Variants in RUNX2 observed in about 807,000 individuals in gnomAD.
RUNX2 encodes RUNX family transcription factor 2.
RUNX2 carries 10 observed loss-of-function variants against 51.7 expected under a neutral mutation model. The observed-to-expected ratio is 0.19, with a 90% CI of 0.12 to 0.33. The LOEUF (loss-of-function observed/expected upper bound fraction) is 0.33. RUNX2 is among the 10% of genes least tolerant of loss of function. RUNX2 has a pLI of 1.00. For synonymous variants in RUNX2, 276 were observed against 273.6 expected (o/e 1.01, Z -0.09); for missense variants, 562 against 691.3 (o/e 0.81, Z 2.10).
intron 7 of RUNX2, among the ~76,000 whole-genome samples, chr6:45,535,153 T>G (rs1013517090): frequency 2.0e-5 from 3 of 152,066 alleles, no homozygotes; most frequent in African/African-American, 7.2e-5. Context: ...CTAGGCTTAA[T>G]ACCTGGACGA....
At chr6:45,389,552 CTTACAA>C (rs1027098384) in intron 2 of RUNX2, among the ~76,000 whole-genome samples, 2 of 152,180 alleles carry the variant, frequency 1.3e-5, no homozygotes, top group African/African-American at 4.8e-5. Context: ...TCTCCAATTA[CTTACAA>C]TTAAGACTAA....
chr6:45,501,828 T>C (rs1267477173), intron 6 of RUNX2, among the ~76,000 whole-genome samples: 1 of 152,182 alleles, frequency 6.6e-6, no homozygotes, highest in Non-Finnish European at 1.5e-5. Flanking sequence ...TGAAAGTGTT[T>C]TTAGTGGGCT....
chr6:45,440,343 A>G (rs565260253), intron 5 of RUNX2, among the ~76,000 whole-genome samples: 2 of 152,322 alleles, frequency 1.3e-5, no homozygotes, highest in Admixed American at 1.3e-4. Flanking sequence ...TGACACTCCC[A>G]GGTGTGGGAA....
chr6:45,502,529 C>T (rs1049069664), intron 6 of RUNX2, among the ~76,000 whole-genome samples: 11 of 152,118 alleles, frequency 7.2e-5, no homozygotes, highest in Non-Finnish European at 1.6e-4. Context: ...AGGCCTATTA[C>T]TCAAGGCTCA....
intron 2 of RUNX2, among the ~76,000 whole-genome samples, chr6:45,360,304 G>C (rs1017804768): frequency 6.6e-6 from 1 of 152,270 alleles, no homozygotes; most frequent in African/African-American, 2.4e-5. Context: ...ATGGCATATG[G>C]AAGTACTCAA....
intron 5 of RUNX2, among the ~76,000 whole-genome samples, chr6:45,450,496 A>C (rs555544401): frequency 6.6e-6 from 1 of 152,322 alleles, no homozygotes; most frequent in African/African-American, 2.4e-5. Flanking sequence ...TAGAGAAAAA[A>C]GGCAAGAAAC....
intron 2 of RUNX2, among the ~76,000 whole-genome samples, chr6:45,369,062 G>GAATAAC (rs1250422263): frequency 6.6e-6 from 1 of 151,910 alleles, no homozygotes; most frequent in African/African-American, 2.4e-5. Flanking sequence ...CTAGTGTTTA[G>GAATAAC]AATAACACAA....
At chr6:45,445,083 G>A (rs1309155261) in intron 5 of RUNX2, among the ~76,000 whole-genome samples, 3 of 152,144 alleles carry the variant, frequency 2.0e-5, no homozygotes, top group African/African-American at 7.2e-5. Context: ...GGAGTGCAGT[G>A]GCGGGATCTC....
chr6:45,527,984 G>A (rs1325830077), intron 7 of RUNX2, among the ~76,000 whole-genome samples: 2 of 152,180 alleles, frequency 1.3e-5, no homozygotes, highest in African/African-American at 4.8e-5. Flanking sequence ...GTTCCACATG[G>A]TTGGGGAAGC....
At chr6:45,451,603 A>G (rs1053950718) in intron 5 of RUNX2, among the ~76,000 whole-genome samples, 1 of 152,218 alleles carries the variant, frequency 6.6e-6, no homozygotes, top group African/African-American at 2.4e-5. Context: ...TGACTTAATA[A>G]CAGACTCAAA....
chr6:45,488,963 CCTT>C (rs1441751842), intron 5 of RUNX2, among the ~76,000 whole-genome samples: 1 of 152,174 alleles, frequency 6.6e-6, no homozygotes, highest in Non-Finnish European at 1.5e-5. Flanking sequence ...TTTAAGTACA[CCTT>C]CTTTCAGCCC....
chr6:45,533,834 A>C (rs1189674672), intron 7 of RUNX2, among the ~76,000 whole-genome samples: 1 of 151,708 alleles, frequency 6.6e-6, no homozygotes, highest in Non-Finnish European at 1.5e-5. Context: ...ATATCAATTG[A>C]AATGTGCCCT....
chr6:45,505,292 C>T (rs1014277062), intron 6 of RUNX2, among the ~76,000 whole-genome samples: 8 of 152,046 alleles, frequency 5.3e-5, no homozygotes, highest in African/African-American at 1.9e-4. Flanking sequence ...GCTGCCCCCA[C>T]TCAAACTTAC....
intron 5 of RUNX2, among the ~76,000 whole-genome samples, chr6:45,478,194 T>G (rs1800009825): frequency 6.6e-6 from 1 of 152,202 alleles, no homozygotes; most frequent in Non-Finnish European, 1.5e-5. Flanking sequence ...TTAATTATAT[T>G]ATTTATCACA....
rs562888340 is a variant in RUNX2, at chr6:45,518,378, CT to C, written c.1021+5973del. The stretch of plus-strand genomic sequence containing the variant: ...TTGCATTCCATAAGTTGAAATTCAT[CT>C]TGCTTTCCCTAAAAATAGCCTATCT... On this transcript the variant is annotated intron_variant, in intron 7 of 8. Transcript: ENST00000647337. 5.6e-3 allele frequency among the ~76,000 whole-genome samples: 851 copies of C among 152,238 alleles called. 4 individuals carry two copies. Among genetic ancestry groups the C allele is most frequent in the Non-Finnish European group, 8.5e-3 (575 of 68,020 alleles).
chr6:45,531,095 A>C lies in RUNX2; in HGVS notation c.1022-14122A>C, dbSNP rs575375407. ...TTTAGAGATTTGTTCAGGGTCATCAAGTGAAAGGGATAGAGAGTGAAAACT... is the reference window on the plus strand; with the variant it reads ...TTTAGAGATTTGTTCAGGGTCATCACGTGAAAGGGATAGAGAGTGAAAACT... On this transcript the variant is annotated intron_variant, in intron 7 of 8. Coordinates refer to ENST00000647337, the MANE Select transcript of RUNX2 (RefSeq NM_001024630.4). Among the ~76,000 whole-genome samples the C allele has an allele frequency of 5.3e-5, 8 of 152,330 alleles. 1 individual carries two copies. The South Asian group carries it at 1.7e-3, about 32-fold the overall frequency.
intron 2 of RUNX2, among the ~76,000 whole-genome samples, chr6:45,413,290 C>T (rs1264892693): frequency 1.3e-5 from 2 of 151,932 alleles, no homozygotes; most frequent in African/African-American, 2.4e-5. Context: ...GCAGATAATC[C>T]ATATTTTTGT....
At chr6:45,519,809 T>A (rs1801445967) in intron 7 of RUNX2, among the ~76,000 whole-genome samples, 1 of 120,914 alleles carries the variant, frequency 8.3e-6, no homozygotes, top group African/African-American at 2.7e-5. Flanking sequence ...TGTGTGTGTG[T>A]GTGTGTGTGT....
At chr6:45,419,623 T>C (rs747648479) in intron 2 of RUNX2, among the ~76,000 whole-genome samples, 7 of 152,216 alleles carry the variant, frequency 4.6e-5, no homozygotes, top group Non-Finnish European at 7.3e-5. Context: ...ATCGGCCGCC[T>C]GTGGGACTCG....
Sources: allele counts gnomAD v4.1 joint callset (sites outside exome capture counted in the v4.1 genomes callset), GRCh38; gene constraint gnomAD v4.1.1; transcripts MANE v1.5; gene names NCBI Gene and HGNC (gene_info 2026-07-23, HGNC 2026-07-21).